PRKCB: variants seen among roughly 807,000 people sequenced by gnomAD.
The protein encoded by PRKCB is protein kinase C beta.
Under a neutral mutation model 81.5 loss-of-function variants are expected in PRKCB, and 13 were observed. The ratio of observed to expected loss-of-function variants is 0.16; its 90% CI spans 0.10 to 0.25. The LOEUF is 0.25. Among genes scored for constraint, PRKCB ranks in the 10% least tolerant of loss-of-function variants. The pLI is 1.00. For synonymous variants in PRKCB, 335 were observed against 321.4 expected (o/e 1.04, Z -0.45); for missense variants, 509 against 875.7 (o/e 0.58, Z 5.29).
At chr16:24,009,609 G>C (rs1450528335) in intron 3 of PRKCB, among the ~76,000 whole-genome samples, 1 of 147,652 alleles carries the variant, frequency 6.8e-6, no homozygotes, top group Admixed American at 6.7e-5. Flanking sequence ...TTTTAAAAAA[G>C]ACAAGTGTTA....
intron 16 of PRKCB, among the ~76,000 whole-genome samples, chr16:24,200,952 C>A (rs1483887325): frequency 6.6e-6 from 1 of 152,124 alleles, no homozygotes; most frequent in East Asian, 1.9e-4. Context: ...GATACTGGTC[C>A]ATGGCCCAGG....
chr16:24,196,628 C>G (rs564757714), intron 16 of PRKCB, among the ~76,000 whole-genome samples: 1 of 152,336 alleles, frequency 6.6e-6, no homozygotes, highest in East Asian at 1.9e-4. Flanking sequence ...CACGAGTCAC[C>G]TGGGTATCTG....
intron 2 of PRKCB, among the ~76,000 whole-genome samples, chr16:23,940,109 AT>A (rs1361343995): frequency 1.3e-5 from 2 of 152,260 alleles, no homozygotes; most frequent in African/African-American, 4.8e-5. Flanking sequence ...GTTCTACATC[AT>A]TGGCTTTTAG....
intron 2 of PRKCB, among the ~76,000 whole-genome samples, chr16:23,945,196 C>T (rs1303542960): frequency 1.3e-5 from 2 of 152,120 alleles, no homozygotes; most frequent in African/African-American, 4.8e-5. Context: ...CACAGGGGCA[C>T]CCTGACAATT....
chr16:24,007,685 T>C (rs1156970730), intron 3 of PRKCB, among the ~76,000 whole-genome samples: 2 of 152,194 alleles, frequency 1.3e-5, no homozygotes, highest in Non-Finnish European at 2.9e-5. Flanking sequence ...TGCTGGGACT[T>C]GAATGAAGCT....
rs554316837 is a variant in PRKCB, at chr16:24,059,098, C to A, written c.529+23551C>A. On this transcript the variant is annotated intron_variant, in intron 5 of 16. Coordinates refer to ENST00000643927, the MANE Select transcript of PRKCB (RefSeq NM_002738.7). The stretch of plus-strand genomic sequence containing the variant: ...CCAGAAGGGAAAGGTAATCATCTTG[C>A]TTTAGTATATGTTGAGATGTTTTTG... Among the ~76,000 whole-genome samples, 3 of 152,226 alleles carry A rather than the reference C, an allele frequency of 2.0e-5. No homozygotes were observed. The East Asian group carries it at 5.8e-4, about 29-fold the overall frequency.
At chr16:23,918,520 C>T (rs1371909206) in intron 2 of PRKCB, among the ~76,000 whole-genome samples, 1 of 152,042 alleles carries the variant, frequency 6.6e-6, no homozygotes, top group East Asian at 1.9e-4. Context: ...CCTCAGCCAC[C>T]CGAGTAGCTG....
intron 9 of PRKCB, among the ~76,000 whole-genome samples, chr16:24,126,627 C>T (rs921098854): frequency 1.2e-4 from 18 of 152,066 alleles, no homozygotes; most frequent in Non-Finnish European, 2.4e-4. Context: ...AGTGCAATGG[C>T]GCCATCTCGG....
At chr16:24,133,192 C>G (rs983777697) in intron 9 of PRKCB, among the ~76,000 whole-genome samples, 1 of 152,004 alleles carries the variant, frequency 6.6e-6, no homozygotes, top group African/African-American at 2.4e-5. Context: ...CAAAGGGAGA[C>G]CCCATCTCTA....
intron 2 of PRKCB, among the ~76,000 whole-genome samples, chr16:23,924,712 G>T (rs1209113465): frequency 1.3e-5 from 2 of 151,984 alleles, no homozygotes; most frequent in African/African-American, 4.8e-5. Context: ...CCAATATATT[G>T]CATAGTTGAA....
In PRKCB at chr16:24,102,873, C is replaced by T. The variant is rs150994659; in HGVS notation, c.821+8576C>T. Among the ~76,000 whole-genome samples the T allele has an allele frequency of 1.1e-3, 163 of 152,262 alleles. 1 individual carries two copies. Among genetic ancestry groups the T allele is most frequent in the African/African-American group, 3.9e-3 (162 of 41,556 alleles). On this transcript the variant is annotated intron_variant, in intron 7 of 16. Transcript: ENST00000643927. ...TTTTCTTCTTTCGCCTGACTCTGCTCTTTAAAAATAATGAATAGCTTTTTT... is the reference window on the plus strand; with the variant it reads ...TTTTCTTCTTTCGCCTGACTCTGCTTTTTAAAAATAATGAATAGCTTTTTT...
chr16:23,939,955 C>T (rs1484688183), intron 2 of PRKCB, among the ~76,000 whole-genome samples: 1 of 151,996 alleles, frequency 6.6e-6, no homozygotes, highest in Non-Finnish European at 1.5e-5. Context: ...ACTTATCTGA[C>T]AAAGGACTAT....
intron 9 of PRKCB, among the ~76,000 whole-genome samples, chr16:24,141,672 C>CT (rs1168661337): frequency 2.0e-5 from 3 of 152,200 alleles, no homozygotes; most frequent in African/African-American, 4.8e-5. Flanking sequence ...TACATAGTTC[C>CT]TTTTCCCTTG....
At chr16:23,950,135 T>TTTG (rs1567323497) in intron 2 of PRKCB, among the ~76,000 whole-genome samples, 6 of 134,136 alleles carry the variant, frequency 4.5e-5, no homozygotes, top group Non-Finnish European at 7.8e-5. Context: ...GATTTGAATT[T>TTTG]TTTTTTTTTT....
intron 2 of PRKCB, among the ~76,000 whole-genome samples, chr16:23,849,579 A>G (rs1351559929): frequency 1.3e-5 from 2 of 152,190 alleles, no homozygotes; most frequent in Non-Finnish European, 2.9e-5. Flanking sequence ...GAGGGTATTG[A>G]TAATTGTTTC....
chr16:24,033,768 A>T (rs1965578981), intron 4 of PRKCB, among the ~76,000 whole-genome samples: 2 of 152,164 alleles, frequency 1.3e-5, no homozygotes. Flanking sequence ...AAAGAAGAAG[A>T]AGAAGAAAAG....
At chr16:24,211,715 C>T (rs772535412) in intron 16 of PRKCB, among the ~76,000 whole-genome samples, 9 of 151,986 alleles carry the variant, frequency 5.9e-5, no homozygotes, top group African/African-American at 1.2e-4. Flanking sequence ...CCTGACACCA[C>T]GCCTGGCTAA....
chr16:24,076,757 C>A (rs1467135297), intron 5 of PRKCB, among the ~76,000 whole-genome samples: 1 of 152,178 alleles, frequency 6.6e-6, no homozygotes, highest in East Asian at 1.9e-4. Context: ...CGGAGTATAG[C>A]ATCTGCTGAT....
intron 2 of PRKCB, among the ~76,000 whole-genome samples, chr16:23,875,596 C>CATACATGTATGTATATCACATAT (rs1962990461): frequency 6.3e-5 from 2 of 31,838 alleles, no homozygotes; most frequent in Non-Finnish European, 1.4e-4. Context: ...ATATCACACA[C>CATACATGTATGTATATCACATAT]ATATGTATGT....
Sources: allele counts gnomAD v4.1 joint callset (sites outside exome capture counted in the v4.1 genomes callset), GRCh38; gene constraint gnomAD v4.1.1; transcripts MANE v1.5; gene names NCBI Gene and HGNC (gene_info 2026-07-23, HGNC 2026-07-21).